Variants in CCDC146 observed in about 807,000 individuals in gnomAD.
The protein encoded by CCDC146 is coiled-coil domain containing 146.
A neutral mutation model predicts 119.3 loss-of-function variants in CCDC146; 92 were observed. That is an observed-to-expected ratio of 0.77 (90% CI 0.65 to 0.92). The LOEUF (loss-of-function observed/expected upper bound fraction) is 0.92, where lower values mean the gene tolerates loss of function less well. CCDC146 is among the 40% of genes least tolerant of loss of function. The pLI is 0.00. For synonymous variants in CCDC146, 372 were observed against 371.8 expected (o/e 1.00, Z -0.01); for missense variants, 1,000 against 1,103.0 (o/e 0.91, Z 1.32).
At chr7:77,176,732 T>C (rs964020048) in intron 2 of CCDC146, among the ~76,000 whole-genome samples, 41 of 149,738 alleles carry the variant, frequency 2.7e-4, no homozygotes, top group Non-Finnish European at 1.5e-4. Context: ...TTCATACTTG[T>C]AAAGTTATCT....
At chr7:77,286,363 G>A (rs146912018) in intron 15 of CCDC146, among the ~76,000 whole-genome samples, 18 of 152,218 alleles carry the variant, frequency 1.2e-4, no homozygotes, top group African/African-American at 4.3e-4. Context: ...CTGCCCCCAT[G>A]ACCCAAACAC....
chr7:77,209,292 C>A (rs1012888111), intron 2 of CCDC146, among the ~76,000 whole-genome samples: 4 of 152,194 alleles, frequency 2.6e-5, no homozygotes, highest in Admixed American at 1.3e-4. Context: ...TAGGTACAGG[C>A]CCCATGCAAA....
At chr7:77,254,837 G>T (rs934703398) in intron 5 of CCDC146, among the ~76,000 whole-genome samples, 2 of 152,132 alleles carry the variant, frequency 1.3e-5, no homozygotes, top group Non-Finnish European at 2.9e-5. Context: ...AGATTCTGTG[G>T]TTGACACTAA....
chr7:77,196,220 G>C lies in CCDC146; in HGVS notation c.156+28396G>C. 8.0e-7 allele frequency: 1 copy of C among 1,248,620 alleles called. No individual in the cohort carries two copies. Among genetic ancestry groups the C allele is most frequent in the Middle Eastern group, 1.9e-4 (1 of 5,170 alleles). 77.3% of individuals were successfully genotyped at this position (1,248,620 alleles called of 1,614,324 possible). On this transcript the variant is annotated intron_variant, in intron 2 of 18. Coordinates refer to ENST00000285871, the MANE Select transcript of CCDC146 (RefSeq NM_020879.3). The surrounding 1 kb of genome is among the most constrained non-coding windows in gnomAD (Gnocchi z 4.2). Reference sequence around the variant, plus strand: ...TATGAAACAAGGCATATTCTAAAGTGCTGAAGGAATTAATTGCCCTATTAG... The same window carrying C: ...TATGAAACAAGGCATATTCTAAAGTCCTGAAGGAATTAATTGCCCTATTAG...
chr7:77,218,178 A>G (rs1227242325), intron 2 of CCDC146, among the ~76,000 whole-genome samples: 1 of 152,134 alleles, frequency 6.6e-6, no homozygotes, highest in Non-Finnish European at 1.5e-5. Flanking sequence ...GTGGTCCATC[A>G]TTGACTGAAA....
intron 2 of CCDC146, among the ~76,000 whole-genome samples, chr7:77,226,391 C>T (rs1248130378): frequency 3.9e-5 from 6 of 152,202 alleles, no homozygotes; most frequent in Non-Finnish European, 7.4e-5. Context: ...TCCAGGTTCC[C>T]TGCACACACC....
chr7:77,235,808 G>A (rs933781663), intron 2 of CCDC146, among the ~76,000 whole-genome samples: 7 of 152,130 alleles, frequency 4.6e-5, no homozygotes, highest in Admixed American at 1.3e-4. Flanking sequence ...AGGCTTTCAC[G>A]CCTGTAATTT....
chr7:77,194,832 T>G (rs1041756640), intron 2 of CCDC146: 1 of 152,154 alleles, frequency 6.6e-6, no homozygotes, highest in East Asian at 1.9e-4. Context: ...CTTTTTACGA[T>G]GATGAAATTA....
chr7:77,135,582 A>G (rs1422168262), intron 1 of CCDC146, among the ~76,000 whole-genome samples: 2 of 152,228 alleles, frequency 1.3e-5, no homozygotes, highest in Non-Finnish European at 2.9e-5. Flanking sequence ...CAGTTAGCCT[A>G]TAGTAATACT....
chr7:77,292,919 A>G, intron 17 of CCDC146, 33 bp from the exon 18 acceptor site: 1 of 1,606,804 alleles, frequency 6.2e-7, no homozygotes, highest in South Asian at 1.1e-5. Context: ...TGGACTGTAT[A>G]CATAGACTAA....
chr7:77,180,748 T>C (rs933081104), intron 2 of CCDC146, among the ~76,000 whole-genome samples: 2 of 152,150 alleles, frequency 1.3e-5, no homozygotes, highest in African/African-American at 4.8e-5. Flanking sequence ...GGAAGTGGAA[T>C]GGCTGAATGA....
chr7:77,147,405 C>T (rs1402035342), intron 1 of CCDC146, among the ~76,000 whole-genome samples: 1 of 152,240 alleles, frequency 6.6e-6, no homozygotes, highest in Non-Finnish European at 1.5e-5. Context: ...CTTCTTCTCT[C>T]AACTCGTCAA....
At chr7:77,184,947 AT>A (rs1292852970) in intron 2 of CCDC146, among the ~76,000 whole-genome samples, 1 of 152,200 alleles carries the variant, frequency 6.6e-6, no homozygotes, top group Non-Finnish European at 1.5e-5. Context: ...ACAGAAAGTC[AT>A]GGGGGGATGA....
chr7:77,155,721 G>T (rs1266653540), intron 1 of CCDC146, among the ~76,000 whole-genome samples: 1 of 152,086 alleles, frequency 6.6e-6, no homozygotes, highest in Non-Finnish European at 1.5e-5. Flanking sequence ...ATTGTGAAGG[G>T]TTATATAAAT....
chr7:77,265,510 C>T (rs1793383065), intron 9 of CCDC146, among the ~76,000 whole-genome samples: 1 of 152,016 alleles, frequency 6.6e-6, no homozygotes, highest in Admixed American at 6.5e-5. Context: ...CTTCTTAGCT[C>T]AAGAAGGGTT....
intron 2 of CCDC146, among the ~76,000 whole-genome samples, chr7:77,181,402 T>TCC (rs1791586772): frequency 2.0e-5 from 3 of 152,070 alleles, no homozygotes; most frequent in Non-Finnish European, 2.9e-5. Flanking sequence ...AAGTGTGCCC[T>TCC]CAGGAGGGAG....
chr7:77,239,321 G>A (rs1245379003), intron 3 of CCDC146, among the ~76,000 whole-genome samples: 4 of 152,188 alleles, frequency 2.6e-5, no homozygotes, highest in Admixed American at 2.0e-4. Context: ...CATGAAAATT[G>A]AATTATAGGA....
chr7:77,178,241 G>C (rs1163102883), intron 2 of CCDC146, among the ~76,000 whole-genome samples: 1 of 152,176 alleles, frequency 6.6e-6, no homozygotes, highest in Non-Finnish European at 1.5e-5. Context: ...CAGGAATCTG[G>C]GGTATTGTCA....
intron 18 of CCDC146, 97 bp from the exon 19 acceptor site, chr7:77,294,566 A>C: frequency 8.3e-7 from 1 of 1,204,800 alleles, no homozygotes; most frequent in East Asian, 2.4e-5. Context: ...AGCACGGTCA[A>C]AGACTGTCCA....
Sources: allele counts gnomAD v4.1 joint callset (sites outside exome capture counted in the v4.1 genomes callset), GRCh38; gene constraint gnomAD v4.1.1; non-coding constraint Gnocchi (gnomAD v3.1); transcripts MANE v1.5; gene names NCBI Gene and HGNC (gene_info 2026-07-23, HGNC 2026-07-21).